Variants in YJU2B observed in about 807,000 individuals in gnomAD.
YJU2B encodes the protein YJU2 splicing factor homolog B, also known as probable splicing factor YJU2B.
In YJU2B, 18 loss-of-function variants were observed where a neutral mutation model predicts 38.0. The ratio of observed to expected loss-of-function variants is 0.47; its 90% CI spans 0.33 to 0.70. The LOEUF is 0.70. Ranked by LOEUF, YJU2B falls within the 30% of genes least tolerant of loss-of-function variation. The pLI, the probability that YJU2B is intolerant of heterozygous loss-of-function variation, is 0.02. For synonymous variants in YJU2B, 246 were observed against 225.4 expected, an observed-to-expected ratio of 1.09 and a Z score of -0.82; for missense variants, 538 against 556.3, an observed-to-expected ratio of 0.97 and a Z score of 0.33.
chr19:13,733,865 A>G (rs1332660532), intron 2 of YJU2B, among the ~76,000 whole-genome samples: 1 of 152,102 alleles, frequency 6.6e-6, no homozygotes, highest in Non-Finnish European at 1.5e-5. Flanking sequence ...CAAGAATTAA[A>G]AGAGAGAAAT....
At chr19:13,751,405 C>T (rs1568286813) in intron 1 of YJU2B, among the ~76,000 whole-genome samples, 1 of 152,086 alleles carries the variant, frequency 6.6e-6, no homozygotes, top group African/African-American at 2.4e-5. Flanking sequence ...CAGAGCGAGA[C>T]TCCATCTCAA....
At chr19:13,751,145 T>C (rs1053472877) in intron 1 of YJU2B, among the ~76,000 whole-genome samples, 3 of 151,972 alleles carry the variant, frequency 2.0e-5, no homozygotes, top group African/African-American at 4.8e-5. Context: ...CAGCTGGGCA[T>C]GGTGGCTCAC....
At chr19:13,762,555 C>T (rs1973934464) in intron 9 of YJU2B, 35 bp from the exon 10 acceptor site, 1 of 1,532,514 alleles carries the variant, frequency 6.5e-7, no homozygotes, top group Non-Finnish European at 8.7e-7. Context: ...ACCCCCTCCC[C>T]TGCCGCCCCT....
chr19:13,757,508 A>G, intron 5 of YJU2B, 35 bp downstream of exon 5: 1 of 1,595,438 alleles, frequency 6.3e-7, no homozygotes, highest in Non-Finnish European at 8.6e-7. Context: ...CAGTCCTGCA[A>G]ACATCAGACC....
At chr19:13,735,529 G>GT (rs544973465) in intron 2 of YJU2B, among the ~76,000 whole-genome samples, 3,283 of 142,124 alleles carry the variant, frequency 0.023, 85 homozygotes, top group African/African-American at 0.072. Flanking sequence ...CAGTGTCTGT[G>GT]TTTTTTTTTT....
rs1349711706 is a variant in YJU2B, at chr19:13,762,901, G to A, written c.1024G>A (p.Glu342Lys). The A allele has an allele frequency of 6.2e-7, 1 of 1,611,712 alleles. No homozygotes were observed. The highest frequency in any genetic ancestry group is 8.5e-7 in the Non-Finnish European group (1 of 1,179,654). ...SPGDCPPETT[E>K]TPKCSSPRGQ... is the part of the protein sequence containing the mutation. ...CGGAGACTGTCCTCCGGAAACAACT[G>A]AGACCCCCAAGTGCAGCAGCCCGAG... Residue 342 changes from glutamate to lysine, a missense_variant, in exon 10 of 10, where the codon GAG becomes AAG. Transcript: ENST00000221554.
rs1973379390 is a variant in YJU2B at position 13,749,632 on chromosome 19, C to CA, written c.-202+1678_-202+1679insA. On this transcript the variant is annotated intron_variant, in intron 1 of 9. Transcript: ENST00000221554. Reference sequence around the variant, plus strand: ...CTTTAGTGTAAACTAGAACTTCTTTCTTTTTTTTTTTTTTTTTTGAGATGG... The same window carrying CA: ...CTTTAGTGTAAACTAGAACTTCTTTCATTTTTTTTTTTTTTTTTTGAGATGG... 5.4e-5 allele frequency among the ~76,000 whole-genome samples: 7 copies of CA among 130,338 alleles called. No individual in the cohort carries two copies. The South Asian group carries it at 1.7e-3, about 31-fold the overall frequency. 85.5% of individuals were successfully genotyped at this position (130,338 alleles called of 152,430 possible). A position where few individuals can be genotyped will look rare whatever the true frequency, so the allele number is the denominator to read the frequency against.
At position 13,751,751 on chromosome 19, in the gene YJU2B, A is replaced by G. The variant is rs1204325210; in HGVS notation, c.-58A>G. The G allele has an allele frequency of 6.2e-7, 1 of 1,607,700 alleles. No individual in the cohort carries two copies. Among genetic ancestry groups the G allele is most frequent in the African/African-American group, 1.3e-5 (1 of 74,782 alleles). ...GAGGTCAGGACAGTGCAGTGTGTTC[A>G]CAAGGCCAGTTTCTGATCGTCCGCC... On this transcript the variant is annotated 5_prime_UTR_variant, in exon 2 of 10. Transcript: ENST00000221554.
At chr19:13,748,410 T>C (rs553804171) in intron 1 of YJU2B, among the ~76,000 whole-genome samples, 9 of 151,796 alleles carry the variant, frequency 5.9e-5, no homozygotes, top group African/African-American at 1.9e-4. Context: ...TTGCCCCAAG[T>C]CAAGCAGATA....
Position 13,763,032 on chromosome 19 carries a change from C to A in YJU2B, c.1155C>A (p.Ser385=). 6.3e-7 allele frequency: 1 copy of A among 1,578,704 alleles called. No individual in the cohort carries two copies. The highest frequency in any genetic ancestry group is 8.6e-7 in the Non-Finnish European group (1 of 1,161,684). The change falls in exon 10 of 10, where the codon TCC becomes TCA. Residue 385 remains serine, a synonymous_variant. Coordinates refer to ENST00000221554, the MANE Select transcript of YJU2B (RefSeq NM_030818.4). ...GGCACCCCTGCAGTCTCGGCTCCTC[C>A]CTCGTGGCGGACTACTCCGACTCGG... ...DTRHPCSLGS[S]LVADYSDSES...
In YJU2B at chr19:13,742,541, C is replaced by T. The variant is rs561860298; in HGVS notation, c.-201-9067C>T. On this transcript the variant is annotated intron_variant, in intron 2 of 10. Coordinates refer to the YJU2B transcript ENST00000586600. ...TTGTCAGCTCATTTCAGTGAAACTT[C>T]AGAACGTGAAAGGGAAGTTTTCCCT... 3.5e-4 allele frequency among the ~76,000 whole-genome samples: 53 copies of T among 152,264 alleles called. 1 individual carries two copies. Among genetic ancestry groups the T allele is most frequent in the South Asian group, 2.3e-3 (11 of 4,826 alleles).
chr19:13,745,680 T>TAGATAGATAGATAGATAG (rs1973213776), upstream of YJU2B, among the ~76,000 whole-genome samples: 1 of 48,128 alleles, frequency 2.1e-5, no homozygotes, highest in African/African-American at 9.2e-5. Flanking sequence ...GATAGATAGA[T>TAGATAGATAGATAGATAG]AGATAGATAG....
intron 3 of YJU2B, 99 bp downstream of exon 3, chr19:13,754,441 A>G (rs1345522400): frequency 9.7e-7 from 1 of 1,033,850 alleles, no homozygotes; most frequent in Non-Finnish European, 1.5e-6. Context: ...GGTGGCCCCC[A>G]AGGTCTTTTT....
upstream of YJU2B, among the ~76,000 whole-genome samples, chr19:13,744,150 C>G (rs1022300879): frequency 9.2e-5 from 14 of 151,644 alleles, no homozygotes; most frequent in African/African-American, 3.2e-4. Context: ...GAGATCACGC[C>G]ACAGGACTCC....
chr19:13,748,778 G>A (rs1382842115), intron 1 of YJU2B, among the ~76,000 whole-genome samples: 1 of 152,208 alleles, frequency 6.6e-6, no homozygotes, highest in Non-Finnish European at 1.5e-5. Context: ...CAAGCCCAGG[G>A]AGCCGTGTCC....
intron 2 of YJU2B, chr19:13,732,493 G>A (rs1418481487): frequency 2.0e-5 from 3 of 151,364 alleles, no homozygotes; most frequent in African/African-American, 7.3e-5. Context: ...TGTAGTCTCA[G>A]CTACTTGGAA....
chr19:13,745,717 C>CTA (rs1212314804), upstream of YJU2B, among the ~76,000 whole-genome samples: 10 of 110,630 alleles, frequency 9.0e-5, no homozygotes, highest in African/African-American at 3.4e-4. Context: ...ATCTATAGAT[C>CTA]TATAGATATC....
At chr19:13,739,202 A>G (rs2145087386) in intron 2 of YJU2B, among the ~76,000 whole-genome samples, 1 of 152,006 alleles carries the variant, frequency 6.6e-6, no homozygotes, top group South Asian at 2.1e-4. Flanking sequence ...CTGAAGTACC[A>G]TGGTGCGATC....
intron 4 of YJU2B, among the ~76,000 whole-genome samples, chr19:13,757,100 C>CACT (rs1217208074): frequency 6.6e-6 from 1 of 151,886 alleles, no homozygotes; most frequent in East Asian, 1.9e-4. Context: ...AGGATCGCAC[C>CACT]ACTGCACTCT....
Sources: gnomAD v4.1 joint callset for allele counts (sites outside exome capture counted in the v4.1 genomes callset) on GRCh38, gnomAD v4.1.1 for gene constraint, MANE v1.5 for transcripts, NCBI Gene and HGNC (gene_info 2026-07-23, HGNC 2026-07-21) for gene names.